NETO1: variants seen among roughly 807,000 people sequenced by gnomAD.
NETO1 encodes neuropilin and tolloid like 1, also known as neuropilin and tolloid-like protein 1.
Under a neutral mutation model 61.3 loss-of-function variants are expected in NETO1, and 26 were observed. The ratio of observed to expected loss-of-function variants is 0.42; its 90% CI spans 0.31 to 0.59. The LOEUF is 0.59. Among genes scored for constraint, NETO1 ranks in the 20% least tolerant of loss-of-function variants. NETO1 has a pLI of 0.12. For missense variants in NETO1, 531 were observed against 662.8 expected (o/e 0.80, Z 2.18); for synonymous variants, 225 against 225.8 (o/e 1.00, Z 0.03).
chr18:72,840,996 T>A (rs2073912567), intron 4 of NETO1, among the ~76,000 whole-genome samples: 1 of 152,210 alleles, frequency 6.6e-6, no homozygotes, highest in Non-Finnish European at 1.5e-5. Context: ...TCCTTGCCCC[T>A]ATTAGCAGCA....
chr18:72,807,721 C>T (rs1301504123), intron 4 of NETO1, among the ~76,000 whole-genome samples: 1 of 23,502 alleles, frequency 4.3e-5, no homozygotes, highest in East Asian at 3.4e-3. Context: ...CAAGAACACA[C>T]ACACACACAC....
chr18:72,821,169 C>A (rs2073181154), intron 4 of NETO1, among the ~76,000 whole-genome samples: 2 of 147,900 alleles, frequency 1.4e-5, no homozygotes, highest in South Asian at 4.3e-4. Flanking sequence ...CTGTCCTCTC[C>A]TTAGCCCCGT....
At chr18:72,778,258 C>A (rs1032789521) in intron 7 of NETO1, among the ~76,000 whole-genome samples, 8 of 152,152 alleles carry the variant, frequency 5.3e-5, no homozygotes, top group African/African-American at 1.9e-4. Context: ...AGCAATAGGT[C>A]CTGATTTCCA....
At chr18:72,841,554 A>G (rs1160975680) in intron 4 of NETO1, among the ~76,000 whole-genome samples, 1 of 151,674 alleles carries the variant, frequency 6.6e-6, no homozygotes, top group Non-Finnish European at 1.5e-5. Context: ...CCAACATGGT[A>G]AAACCCCCAT....
chr18:72,780,003 C>T (rs1470217344), intron 7 of NETO1, among the ~76,000 whole-genome samples: 1 of 152,074 alleles, frequency 6.6e-6, no homozygotes, highest in Non-Finnish European at 1.5e-5. Context: ...CATTAGAGGA[C>T]CAACACCTAT....
At chr18:72,862,266 C>T (rs2074596889) in intron 3 of NETO1, among the ~76,000 whole-genome samples, 1 of 152,186 alleles carries the variant, frequency 6.6e-6, no homozygotes, top group African/African-American at 2.4e-5. Context: ...CAGGCACCTG[C>T]ATTTTTAAGA....
intron 6 of NETO1, among the ~76,000 whole-genome samples, chr18:72,787,129 A>C (rs968116125): frequency 1.9e-4 from 28 of 149,604 alleles, no homozygotes; most frequent in Non-Finnish European, 3.7e-4. Flanking sequence ...CACTGTAAAA[A>C]TCAAAGCTAA....
intron 3 of NETO1, among the ~76,000 whole-genome samples, chr18:72,860,684 G>A (rs1291676099): frequency 6.6e-6 from 1 of 151,344 alleles, no homozygotes. Context: ...GTGAACAAAT[G>A]AGTAACCACA....
intron 6 of NETO1, among the ~76,000 whole-genome samples, chr18:72,784,840 ACAGCTTGTC>A (rs1263612096): frequency 2.0e-5 from 3 of 152,266 alleles, no homozygotes; most frequent in Non-Finnish European, 2.9e-5. Context: ...AGTGGCATCC[ACAGCTTGTC>A]CTGTGATTGT....
At chr18:72,851,977 A>T (rs1362958126) in intron 4 of NETO1, among the ~76,000 whole-genome samples, 1 of 152,158 alleles carries the variant, frequency 6.6e-6, no homozygotes, top group Non-Finnish European at 1.5e-5. Flanking sequence ...CTTGATTTTT[A>T]AGTAGAAAGG....
At chr18:72,776,818 C>T (rs1037452973) in intron 7 of NETO1, among the ~76,000 whole-genome samples, 3 of 152,100 alleles carry the variant, frequency 2.0e-5, no homozygotes, top group African/African-American at 7.2e-5. Context: ...AACTTCTTCC[C>T]CCAAATCCTT....
At chr18:72,861,174 CCT>C (rs1400185438) in intron 3 of NETO1, among the ~76,000 whole-genome samples, 1 of 152,316 alleles carries the variant, frequency 6.6e-6, no homozygotes, top group East Asian at 1.9e-4. Flanking sequence ...GCTGAGTCAA[CCT>C]CTCGATGTTC....
intron 7 of NETO1, among the ~76,000 whole-genome samples, chr18:72,758,985 C>A (rs1184523139): frequency 6.6e-6 from 1 of 152,154 alleles, no homozygotes; most frequent in Non-Finnish European, 1.5e-5. Context: ...TTGTCTGAAT[C>A]TCTCTCTCAG....
In NETO1 at chr18:72,855,557, C is replaced by T. The variant is rs570907561; in HGVS notation, c.469+3269G>A. 8.3e-4 allele frequency among the ~76,000 whole-genome samples: 126 copies of T among 152,334 alleles called. 1 individual carries two copies. In the South Asian group the frequency reaches 0.023, roughly 28 times the overall value. ...CGCTCTGCCTCCGTATCCTCCACATCCGTGCGGGACCTCCAGTTGGGCTGT... is the reference window on the plus strand; with the variant it reads ...CGCTCTGCCTCCGTATCCTCCACATTCGTGCGGGACCTCCAGTTGGGCTGT... On this transcript the variant is annotated intron_variant, in intron 4 of 10. Transcript: ENST00000327305.
chr18:72,799,570 CTG>C (rs2072436728), intron 4 of NETO1, among the ~76,000 whole-genome samples: 1 of 152,202 alleles, frequency 6.6e-6, no homozygotes, highest in Admixed American at 6.5e-5. Context: ...AGTCTATGCA[CTG>C]TGTCAGCCAT....
chr18:72,823,736 A>G (rs185866960), intron 4 of NETO1, among the ~76,000 whole-genome samples: 87 of 152,314 alleles, frequency 5.7e-4, no homozygotes, highest in African/African-American at 2.0e-3. Flanking sequence ...ATTTGGTGAC[A>G]TGAGAAAAGA....
intron 4 of NETO1, among the ~76,000 whole-genome samples, chr18:72,841,702 C>T (rs529994415): frequency 4.8e-4 from 63 of 129,952 alleles, no homozygotes; most frequent in African/African-American, 1.7e-3. Flanking sequence ...CCACTGCTCT[C>T]CAGCCTGGGA....
intron 8 of NETO1, among the ~76,000 whole-genome samples, chr18:72,754,078 T>C (rs1345146776): frequency 5.3e-5 from 8 of 152,062 alleles, no homozygotes; most frequent in African/African-American, 4.8e-5. Flanking sequence ...TAGAGCTATA[T>C]AGGAAGAATG....
At chr18:72,857,554 G>T (rs143536699) in intron 4 of NETO1, among the ~76,000 whole-genome samples, 2 of 152,094 alleles carry the variant, frequency 1.3e-5, no homozygotes, top group Non-Finnish European at 2.9e-5. Flanking sequence ...AGAACATGCC[G>T]TATGTCACTG....
Sources: allele counts gnomAD v4.1 joint callset (sites outside exome capture counted in the v4.1 genomes callset), GRCh38; gene constraint gnomAD v4.1.1; transcripts MANE v1.5; gene names NCBI Gene and HGNC (gene_info 2026-07-23, HGNC 2026-07-21).